Variants in CXXC5 observed in about 807,000 individuals in gnomAD.
The protein encoded by CXXC5 is CXXC finger protein 5.
A neutral mutation model predicts 17.6 loss-of-function variants in CXXC5; 2 were observed. The observed-to-expected ratio is 0.11, with a 90% confidence interval of 0.05 to 0.36. The LOEUF (loss-of-function observed/expected upper bound fraction) is 0.36, where lower values mean the gene tolerates loss of function less well. CXXC5 is among the 10% of genes least tolerant of loss of function. CXXC5 has a pLI of 1.00. For synonymous variants in CXXC5, 171 were observed against 193.0 expected, an observed-to-expected ratio of 0.89 and a Z score of 0.94; for missense variants, 343 against 458.3, an observed-to-expected ratio of 0.75 and a Z score of 2.30.
intron 1 of CXXC5, among the ~76,000 whole-genome samples, chr5:139,656,229 C>T (rs992197498): frequency 3.9e-5 from 6 of 152,258 alleles, no homozygotes; most frequent in African/African-American, 9.6e-5. Flanking sequence ...GCCTGTAATC[C>T]GATGGCCAGA....
rs370417072 is a variant in CXXC5, at chr5:139,675,970, C to T, written c.-160-4394C>T. On this transcript the variant is annotated intron_variant, in intron 1 of 2. Transcript: ENST00000302517. ...TGGCCAGAGCCTTAGGGTAGAGGCA[C>T]GGGGTGGCCTCCACTGCCAGGAAGG... Among the ~76,000 whole-genome samples, 54 of 151,886 alleles carry T rather than the reference C, an allele frequency of 3.6e-4. 2 individuals carry two copies. The highest frequency in any genetic ancestry group is 8.7e-4 in the African/African-American group (36 of 41,336).
intron 1 of CXXC5, among the ~76,000 whole-genome samples, chr5:139,674,387 A>G (rs1394130627): frequency 6.6e-6 from 1 of 152,116 alleles, no homozygotes. Context: ...CGGCCCACCA[A>G]GGTGGGGGGG....
In CXXC5 at chr5:139,680,529, G is replaced by A. The variant is rs368558479; in HGVS notation, c.6G>A (p.Ser2=). 1.4e-4 allele frequency: 222 copies of A among 1,556,824 alleles called. No homozygotes were observed. The African/African-American group carries it at 2.5e-3, about 17-fold the overall frequency. M[S]SLGGGSQDAG... Reference sequence around the variant, plus strand: ...GTCTGGGCCTCGGCCCCACCATGTCGAGCCTCGGCGGTGGCTCCCAGGATG... The same window carrying A: ...GTCTGGGCCTCGGCCCCACCATGTCAAGCCTCGGCGGTGGCTCCCAGGATG... Residue 2 remains serine (S), a synonymous_variant, in exon 2 of 3, where the codon TCG becomes TCA. Transcript: ENST00000302517.
At chr5:139,669,107 T>C (rs1756302292) in intron 1 of CXXC5, among the ~76,000 whole-genome samples, 1 of 152,158 alleles carries the variant, frequency 6.6e-6, no homozygotes, top group South Asian at 2.1e-4. Flanking sequence ...CTGAGGCACG[T>C]TGTTTGCTGA....
rs377536566 is a variant in CXXC5 at position 139,682,954 on chromosome 5, G to A, written c.*47G>A. On this transcript the variant is annotated 3_prime_UTR_variant, in exon 3 of 3. Coordinates refer to ENST00000302517, the MANE Select transcript of CXXC5 (RefSeq NM_016463.9). The stretch of plus-strand genomic sequence containing the variant: ...CCCTCTCCGTGCAATGTCACTGCTC[G>A]TGTGGTCTCCAGCAAGGGATTCGGG... The A allele has an allele frequency of 1.0e-4, 157 of 1,522,144 alleles. No individual in the cohort carries two copies. The highest frequency in any genetic ancestry group is 6.0e-4 in the Admixed American group (30 of 50,188). The allele number at this position is 1,522,144 out of a possible 1,614,324, so 94.3% of individuals were successfully genotyped here. A position where few individuals can be genotyped will look rare whatever the true frequency, so the allele number is the denominator to read the frequency against.
rs1755626436 is a variant in CXXC5 at position 139,658,792 on chromosome 5, C to G, written c.-161+9947C>G. On this transcript the variant is annotated intron_variant, in intron 1 of 2. Coordinates refer to ENST00000302517, the MANE Select transcript of CXXC5 (RefSeq NM_016463.9). This position sits in a 1 kb window ranked among gnomAD's most constrained non-coding sequence, Gnocchi z 4.1. ...CCATCTGTGCAATGGGGAGAGGAGG[C>G]TTTTTTCAAGGTCTAACATCACCCT... 1.3e-5 allele frequency among the ~76,000 whole-genome samples: 2 copies of G among 152,194 alleles called. No individual in the cohort carries two copies. Among genetic ancestry groups the G allele is most frequent in the Admixed American group, 1.3e-4 (2 of 15,280 alleles).
chr5:139,682,736 G>A, intron 2 of CXXC5, 127 bp from the exon 3 acceptor site: 1 of 963,924 alleles, frequency 1.0e-6, no homozygotes, highest in South Asian at 2.2e-5. Flanking sequence ...GAGCTCCGAG[G>A]GGTGGCTGCT....
Position 139,683,263 on chromosome 5 carries a change from T to G in CXXC5, c.*356T>G, listed in dbSNP as rs1036410638. 3 of 194,066 alleles carry G rather than the reference T, an allele frequency of 1.5e-5. No individual in the cohort carries two copies. The highest frequency in any genetic ancestry group is 3.1e-5 in the Non-Finnish European group (3 of 96,482). The allele number at this position is 194,066 out of a possible 1,614,324, so 12.0% of individuals were successfully genotyped here. A position where few individuals can be genotyped will look rare whatever the true frequency, so the allele number is the denominator to read the frequency against. On this transcript the variant is annotated 3_prime_UTR_variant, in exon 3 of 3. Coordinates refer to ENST00000302517, the MANE Select transcript of CXXC5 (RefSeq NM_016463.9). Reference sequence around the variant, plus strand: ...CTGTGCAGGAGATGCAGTTTTTGTGTAGAGAATGTAAATTTTCTGTAACCT... The same window carrying G: ...CTGTGCAGGAGATGCAGTTTTTGTGGAGAGAATGTAAATTTTCTGTAACCT...
At position 139,682,950 on chromosome 5, in the gene CXXC5, G is replaced by A; in HGVS notation, c.*43G>A. 1 of 1,532,552 alleles carries A rather than the reference G, an allele frequency of 6.5e-7. No homozygotes were observed. The highest frequency in any genetic ancestry group is 8.8e-7 in the Non-Finnish European group (1 of 1,130,998). The allele number at this position is 1,532,552 out of a possible 1,614,324, so 94.9% of individuals were successfully genotyped here. On this transcript the variant is annotated 3_prime_UTR_variant, in exon 3 of 3. Coordinates refer to ENST00000302517, the MANE Select transcript of CXXC5 (RefSeq NM_016463.9). ...GCTGCCCTCTCCGTGCAATGTCACTGCTCGTGTGGTCTCCAGCAAGGGATT... is the reference window on the plus strand; with the variant it reads ...GCTGCCCTCTCCGTGCAATGTCACTACTCGTGTGGTCTCCAGCAAGGGATT...
chr5:139,660,635 T>G lies in CXXC5; in HGVS notation c.-161+11790T>G, dbSNP rs1267190636. 4.0e-5 allele frequency among the ~76,000 whole-genome samples: 6 copies of G among 151,838 alleles called. No individual in the cohort carries two copies. The East Asian group carries it at 1.2e-3, about 29-fold the overall frequency. Reference sequence around the variant, plus strand: ...TAGCTTGAGAGCCCAGAGAGGGGGATACGCTGCCCCAAGGTCACACAGTGG... The same window carrying G: ...TAGCTTGAGAGCCCAGAGAGGGGGAGACGCTGCCCCAAGGTCACACAGTGG... On this transcript the variant is annotated intron_variant, in intron 1 of 2. Coordinates refer to ENST00000302517, the MANE Select transcript of CXXC5 (RefSeq NM_016463.9).
chr5:139,653,274 A>G (rs1755308372), intron 1 of CXXC5, among the ~76,000 whole-genome samples: 1 of 152,198 alleles, frequency 6.6e-6, no homozygotes. Context: ...CGGGAATAAA[A>G]GGATTTTAAG....
chr5:139,674,831 A>C (rs1756689571), intron 1 of CXXC5, among the ~76,000 whole-genome samples: 1 of 152,194 alleles, frequency 6.6e-6, no homozygotes, highest in South Asian at 2.1e-4. Context: ...CCCTACTAAA[A>C]ATTAAAATAA....
intron 1 of CXXC5, among the ~76,000 whole-genome samples, chr5:139,671,619 G>A (rs921496571): frequency 1.3e-5 from 2 of 152,220 alleles, no homozygotes; most frequent in East Asian, 1.9e-4. Context: ...TGCTTCCTGC[G>A]GAGGCTGCGG....
intron 1 of CXXC5, among the ~76,000 whole-genome samples, chr5:139,678,213 C>G (rs903992536): frequency 1.3e-5 from 2 of 152,220 alleles, no homozygotes; most frequent in East Asian, 3.8e-4. Flanking sequence ...TCTCACTGAC[C>G]CTGGTCCCCA....
chr5:139,656,849 C>T (rs929425932), intron 1 of CXXC5, among the ~76,000 whole-genome samples: 1 of 152,174 alleles, frequency 6.6e-6, no homozygotes, highest in Non-Finnish European at 1.5e-5. Context: ...CTCAGCCTCC[C>T]GAGTAGCTGG....
At chr5:139,653,050 C>T (rs1003110862) in intron 1 of CXXC5, among the ~76,000 whole-genome samples, 4 of 152,000 alleles carry the variant, frequency 2.6e-5, no homozygotes, top group African/African-American at 9.7e-5. Flanking sequence ...TGTTTGAGGC[C>T]CTGAATGTGT....
Position 139,683,807 on chromosome 5 carries a change from A to C in CXXC5, c.*900A>C, listed in dbSNP as rs1324871350. 2.0e-5 allele frequency: 3 copies of C among 152,608 alleles called. No individual in the cohort carries two copies. The East Asian group carries it at 5.8e-4, about 29-fold the overall frequency. The allele number at this position is 152,608 out of a possible 1,614,324, so 9.5% of individuals were successfully genotyped here. A position where few individuals can be genotyped will look rare whatever the true frequency, so the allele number is the denominator to read the frequency against. On this transcript the variant is annotated 3_prime_UTR_variant, in exon 3 of 3. Transcript: ENST00000302517. ...CCTGCCCACGGCCAGCTTCCTGCTG[A>C]TGAACATGCTGTTTGTATTGTTTTA...
At chr5:139,659,386 G>A (rs1003897100) in intron 1 of CXXC5, among the ~76,000 whole-genome samples, 1 of 152,164 alleles carries the variant, frequency 6.6e-6, no homozygotes, top group African/African-American at 2.4e-5. Flanking sequence ...GGCAATGGGG[G>A]CAAATAAGGC....
chr5:139,673,474 C>T (rs575156243), intron 1 of CXXC5, among the ~76,000 whole-genome samples: 1 of 152,282 alleles, frequency 6.6e-6, no homozygotes, highest in Admixed American at 6.5e-5. Context: ...TTACTCCCTG[C>T]CCGGGGCCTC....
Sources: allele counts gnomAD v4.1 joint callset (sites outside exome capture counted in the v4.1 genomes callset), GRCh38; gene constraint gnomAD v4.1.1; non-coding constraint Gnocchi (gnomAD v3.1); transcripts MANE v1.5; gene names NCBI Gene and HGNC (gene_info 2026-07-23, HGNC 2026-07-21).